NOL4: variants seen among roughly 807,000 people sequenced by gnomAD.
NOL4 encodes nucleolar protein 4.
A neutral mutation model predicts 75.9 loss-of-function variants in NOL4; 17 were observed. The ratio of observed to expected loss-of-function variants is 0.22; its 90% confidence interval spans 0.15 to 0.34. NOL4 has a LOEUF of 0.34. NOL4 is among the 10% of genes least tolerant of loss of function. NOL4 has a pLI of 1.00. For synonymous variants in NOL4, 292 were observed against 289.9 expected, an observed-to-expected ratio of 1.01 and a Z score of -0.07; for missense variants, 614 against 793.5, an observed-to-expected ratio of 0.77 and a Z score of 2.72.
At chr18:34,103,419 AAT>A (rs2145662453) in intron 4 of NOL4, among the ~76,000 whole-genome samples, 1 of 152,146 alleles carries the variant, frequency 6.6e-6, no homozygotes, top group East Asian at 1.9e-4. Context: ...GTATTTAAGA[AAT>A]ATGTTTTTAG....
chr18:34,099,241 T>C (rs921436112), intron 4 of NOL4, among the ~76,000 whole-genome samples: 1 of 151,132 alleles, frequency 6.6e-6, no homozygotes, highest in Non-Finnish European at 1.5e-5. Flanking sequence ...CGGGCACCTG[T>C]AATCCTAGCT....
At chr18:33,931,843 G>T (rs1305610184) in intron 9 of NOL4, among the ~76,000 whole-genome samples, 1 of 151,882 alleles carries the variant, frequency 6.6e-6, no homozygotes, top group Non-Finnish European at 1.5e-5. Context: ...TGGTATAAAT[G>T]CAAAGTTTTT....
At chr18:34,093,619 C>A in intron 4 of NOL4, 22 bp from the exon 5 acceptor site, 1 of 1,543,982 alleles carries the variant, frequency 6.5e-7, no homozygotes, top group Non-Finnish European at 8.8e-7. Flanking sequence ...TTTAAAATAT[C>A]ATCAAGCATT....
intron 1 of NOL4, among the ~76,000 whole-genome samples, chr18:34,142,903 C>G (rs1439905678): frequency 1.3e-5 from 2 of 152,098 alleles, no homozygotes; most frequent in Non-Finnish European, 2.9e-5. Flanking sequence ...ACAGATTCAA[C>G]TAACTGATAA....
chr18:34,040,143 T>C (rs1393512039), intron 5 of NOL4, among the ~76,000 whole-genome samples: 1 of 152,026 alleles, frequency 6.6e-6, no homozygotes, highest in Non-Finnish European at 1.5e-5. Context: ...TTTTGGTGAC[T>C]ATATTTTTAA....
At chr18:34,200,916 A>G (rs1365466340) in intron 1 of NOL4, among the ~76,000 whole-genome samples, 1 of 151,832 alleles carries the variant, frequency 6.6e-6, no homozygotes, top group Non-Finnish European at 1.5e-5. Flanking sequence ...AGAGTGGATA[A>G]GAAATTTCAA....
intron 6 of NOL4, among the ~76,000 whole-genome samples, chr18:33,970,904 C>T (rs1228406811): frequency 6.6e-6 from 1 of 151,980 alleles, no homozygotes; most frequent in Non-Finnish European, 1.5e-5. Context: ...TAGGTGTTCT[C>T]GGGCCTGCTA....
intron 5 of NOL4, among the ~76,000 whole-genome samples, chr18:34,038,991 T>TA (rs1157291884): frequency 6.6e-6 from 1 of 151,948 alleles, no homozygotes; most frequent in South Asian, 2.1e-4. Context: ...TCTATGCATG[T>TA]AAAAAATACA....
At chr18:33,938,653 T>C (rs963277912) in intron 9 of NOL4, among the ~76,000 whole-genome samples, 2 of 152,170 alleles carry the variant, frequency 1.3e-5, no homozygotes, top group Non-Finnish European at 2.9e-5. Context: ...TTTGTTTAAG[T>C]TCCTTGTAGA....
intron 6 of NOL4, among the ~76,000 whole-genome samples, chr18:33,967,199 C>T (rs961347204): frequency 6.6e-6 from 1 of 152,048 alleles, no homozygotes; most frequent in Non-Finnish European, 1.5e-5. Context: ...CAATCTTCAA[C>T]AAAATTGACA....
At chr18:34,032,178 C>T (rs1244524283) in intron 5 of NOL4, among the ~76,000 whole-genome samples, 2 of 152,200 alleles carry the variant, frequency 1.3e-5, no homozygotes, top group East Asian at 1.9e-4. Context: ...ATGAATTCTA[C>T]TAAAGCTTGG....
At chr18:33,911,153 C>T (rs1263234298) in intron 9 of NOL4, among the ~76,000 whole-genome samples, 1 of 151,678 alleles carries the variant, frequency 6.6e-6, no homozygotes, top group African/African-American at 2.4e-5. Context: ...CCACCCCACC[C>T]TCTGGAATGT....
At chr18:33,898,247 C>T (rs2065537551) in intron 9 of NOL4, among the ~76,000 whole-genome samples, 1 of 152,042 alleles carries the variant, frequency 6.6e-6, no homozygotes, top group Non-Finnish European at 1.5e-5. Context: ...TTCTTAACCC[C>T]TTTTGACACA....
intron 4 of NOL4, among the ~76,000 whole-genome samples, chr18:34,098,856 C>T (rs1004577689): frequency 2.6e-5 from 4 of 152,104 alleles, no homozygotes; most frequent in African/African-American, 9.7e-5. Context: ...CAGCTAAAAA[C>T]CTTGGTGCCC....
At chr18:34,086,756 GTT>G (rs2078262718) in intron 5 of NOL4, among the ~76,000 whole-genome samples, 2 of 152,144 alleles carry the variant, frequency 1.3e-5, no homozygotes, top group Admixed American at 1.3e-4. Context: ...TTTCATGTGT[GTT>G]TGTGTGCGTG....
At chr18:33,865,193 T>A (rs1455892686) in intron 10 of NOL4, among the ~76,000 whole-genome samples, 1 of 152,152 alleles carries the variant, frequency 6.6e-6, no homozygotes, top group East Asian at 1.9e-4. Flanking sequence ...GGTTCCTCAG[T>A]ATCCTTAGGG....
intron 5 of NOL4, among the ~76,000 whole-genome samples, chr18:34,022,654 A>T (rs1259784332): frequency 4.6e-5 from 7 of 152,044 alleles, no homozygotes; most frequent in Admixed American, 4.6e-4. Flanking sequence ...AAAAAAAGTG[A>T]TTTAACATTT....
At chr18:33,868,250 C>T (rs530016117) in intron 10 of NOL4, among the ~76,000 whole-genome samples, 45 of 151,510 alleles carry the variant, frequency 3.0e-4, no homozygotes, top group Admixed American at 7.2e-4. Context: ...TGCTATGTTG[C>T]CCAGGCTGGT....
intron 4 of NOL4, among the ~76,000 whole-genome samples, chr18:34,099,769 T>C (rs2078959483): frequency 6.6e-6 from 1 of 152,154 alleles, no homozygotes; most frequent in Non-Finnish European, 1.5e-5. Flanking sequence ...TAGAATTCCA[T>C]GGCTTGTCAT....
Sources: allele counts gnomAD v4.1 joint callset (sites outside exome capture counted in the v4.1 genomes callset), GRCh38; gene constraint gnomAD v4.1.1; transcripts MANE v1.5; gene names NCBI Gene and HGNC (gene_info 2026-07-23, HGNC 2026-07-21).